The following ELMOD1 variants were observed in gnomAD, a reference collection of about 807,000 sequenced individuals.
ELMOD1 encodes ELMO domain-containing protein 1.
Under a neutral mutation model 46.7 loss-of-function variants are expected in ELMOD1, and 21 were observed. That is an observed-to-expected ratio of 0.45 (90% CI 0.32 to 0.65). The LOEUF (loss-of-function observed/expected upper bound fraction) is 0.65. Among genes scored for constraint, ELMOD1 ranks in the 30% least tolerant of loss-of-function variants. The pLI, the probability that ELMOD1 is intolerant of heterozygous loss-of-function variation, is 0.04. For missense variants in ELMOD1, 348 were observed against 407.8 expected (o/e 0.85, Z 1.26); for synonymous variants, 122 against 138.2 (o/e 0.88, Z 0.82).
chr11:107,647,449 C>CTTTTT lies in ELMOD1; in HGVS notation c.421-12_421-8dup. The CTTTTT allele has an allele frequency of 8.4e-7, 1 of 1,189,792 alleles. No homozygotes were observed. Among genetic ancestry groups the CTTTTT allele is most frequent in the Non-Finnish European group, 1.2e-6 (1 of 859,856 alleles). 73.7% of individuals were successfully genotyped at this position (1,189,792 alleles called of 1,614,324 possible). The stretch of plus-strand genomic sequence containing the variant: ...GAAAGGGTGTATCAACAGAGTAATC[C>CTTTTT]TTTTTTTTTTTCCTACAGTTATGGA... On this transcript the variant is annotated intron_variant, in intron 6 of 11. Transcript: ENST00000265840.
chr11:107,649,996 G>T (rs1866497329), intron 7 of ELMOD1, among the ~76,000 whole-genome samples: 1 of 152,006 alleles, frequency 6.6e-6, no homozygotes, highest in African/African-American at 2.4e-5. Flanking sequence ...GCCTTCTGAA[G>T]GCCTCCAAAC....
At chr11:107,629,625 G>C (rs1233104137) in intron 2 of ELMOD1, among the ~76,000 whole-genome samples, 1 of 152,310 alleles carries the variant, frequency 6.6e-6, no homozygotes, top group East Asian at 1.9e-4. Context: ...TGACAATATA[G>C]TTCATCATTT....
intron 6 of ELMOD1, among the ~76,000 whole-genome samples, chr11:107,637,615 C>T (rs936763269): frequency 2.6e-5 from 4 of 152,046 alleles, no homozygotes; most frequent in Non-Finnish European, 4.4e-5. Flanking sequence ...ATTGCTTGAA[C>T]CCAGGAGGCG....
chr11:107,608,657 T>A (rs1865727596), intron 1 of ELMOD1, among the ~76,000 whole-genome samples: 1 of 152,214 alleles, frequency 6.6e-6, no homozygotes, highest in African/African-American at 2.4e-5. Flanking sequence ...ATAAAACTCA[T>A]GTATTTTCGC....
chr11:107,631,454 A>C lies in ELMOD1; in HGVS notation c.193-126A>C, dbSNP rs75143125. 1,657 of 276,656 alleles carry C rather than the reference A, an allele frequency of 6.0e-3. 19 individuals carry two copies. The highest frequency in any genetic ancestry group is 0.032 in the African/African-American group (1,429 of 44,066). 17.1% of individuals were successfully genotyped at this position (276,656 alleles called of 1,614,324 possible). ...ATTAGAATTCAAGTACGCTAAATCA[A>C]TTGTTGCTTTTAACTTAAGTCTTCA... On this transcript the variant is annotated intron_variant, in intron 4 of 11. Transcript: ENST00000265840.
At position 107,650,808 on chromosome 11, in the gene ELMOD1, T is replaced by C. The variant is rs1334782180; in HGVS notation, c.624-77T>C. 5 of 967,762 alleles carry C rather than the reference T, an allele frequency of 5.2e-6. No homozygotes were observed. In the Admixed American group the frequency reaches 2.0e-4, roughly 39 times the overall value. The allele number at this position is 967,762 out of a possible 1,614,324, so 59.9% of individuals were successfully genotyped here. ...ATTACTAAGGCTTTTTTTTTCTTTC[T>C]TTCTTGTAAAATTCTAGATTCTAAA... On this transcript the variant is annotated intron_variant, in intron 8 of 11. Coordinates refer to ENST00000265840, the MANE Select transcript of ELMOD1 (RefSeq NM_018712.4).
At chr11:107,612,038 A>C (rs1197530384) in intron 1 of ELMOD1, among the ~76,000 whole-genome samples, 1 of 152,188 alleles carries the variant, frequency 6.6e-6, no homozygotes, top group Admixed American at 6.5e-5. Flanking sequence ...AAAGAAAATA[A>C]ATCATTCGAC....
rs1033691732 is a variant in ELMOD1 at position 107,591,416 on chromosome 11, G to A, written c.-86+7G>A. 6.5e-6 allele frequency: 1 copy of A among 153,228 alleles called. No individual in the cohort carries two copies. Among genetic ancestry groups the A allele is most frequent in the African/African-American group, 2.4e-5 (1 of 41,464 alleles). The allele number at this position is 153,228 out of a possible 1,614,324, so 9.5% of individuals were successfully genotyped here. ...TACCGCCGCCAGAGTCCAGGTGATT[G>A]GCGACCCCAGAGGAGCCTAGGGAGT... is the stretch of plus-strand genomic sequence containing the variant. On this transcript the variant is annotated splice_region_variant and intron_variant, in intron 1 of 11. Transcript: ENST00000265840.
intron 1 of ELMOD1, among the ~76,000 whole-genome samples, chr11:107,599,934 T>C (rs562555603): frequency 6.6e-6 from 1 of 152,230 alleles, no homozygotes; most frequent in South Asian, 2.1e-4. Flanking sequence ...GAGCAACAGA[T>C]TTACCTCTAA....
intron 11 of ELMOD1, among the ~76,000 whole-genome samples, chr11:107,661,507 G>A (rs553366904): frequency 1.3e-4 from 20 of 152,248 alleles, no homozygotes; most frequent in African/African-American, 4.6e-4. Flanking sequence ...ATGCATTATC[G>A]ATTATTTTAA....
chr11:107,600,280 T>C (rs1434349897), intron 1 of ELMOD1: 6 of 131,464 alleles, frequency 4.6e-5, no homozygotes, highest in African/African-American at 1.8e-4. Flanking sequence ...AAAAAATTTA[T>C]AATTTGTGGC....
chr11:107,661,932 G>A (rs1866746173), intron 11 of ELMOD1, among the ~76,000 whole-genome samples: 1 of 152,164 alleles, frequency 6.6e-6, no homozygotes, highest in Non-Finnish European at 1.5e-5. Flanking sequence ...TTCTGTTGAT[G>A]TGCACATTTT....
chr11:107,644,954 C>T (rs1378678338), intron 6 of ELMOD1, among the ~76,000 whole-genome samples: 1 of 149,482 alleles, frequency 6.7e-6, no homozygotes, highest in Non-Finnish European at 1.5e-5. Flanking sequence ...GATAGACTCT[C>T]ACTCTGTCGC....
At chr11:107,633,599 A>T (rs1301973108) in intron 5 of ELMOD1, among the ~76,000 whole-genome samples, 1 of 151,914 alleles carries the variant, frequency 6.6e-6, no homozygotes, top group East Asian at 1.9e-4. Flanking sequence ...CATCTGGCTA[A>T]TTTTTGTATT....
At chr11:107,647,194 GT>G (rs2135706267) in intron 6 of ELMOD1, among the ~76,000 whole-genome samples, 1 of 152,158 alleles carries the variant, frequency 6.6e-6, no homozygotes, top group South Asian at 2.1e-4. Context: ...TTGTTTTTTG[GT>G]TTTGTTTTTA....
At chr11:107,634,868 T>C (rs1197553664) in intron 5 of ELMOD1, among the ~76,000 whole-genome samples, 2 of 152,248 alleles carry the variant, frequency 1.3e-5, no homozygotes, top group Non-Finnish European at 1.5e-5. Context: ...GTCATGGCAC[T>C]GGAAAGGTGG....
chr11:107,665,261 T>TTTGAGATC lies in ELMOD1; in HGVS notation c.*65_*66insTGAGATCT. ...CCTCATTGTCTTGTTAGATCTCTGC[T>TTTGAGATC]TAGGTCGCAGCTCACGCATTGAATG... On this transcript the variant is annotated 3_prime_UTR_variant, in exon 12 of 12. Transcript: ENST00000265840. The TTTGAGATC allele has an allele frequency of 2.6e-6, 4 of 1,537,402 alleles. No homozygotes were observed. In the South Asian group the frequency reaches 4.8e-5, roughly 19 times the overall value.
chr11:107,655,808 C>T (rs1866619721), intron 10 of ELMOD1, 125 bp from the exon 11 acceptor site: 1 of 1,039,804 alleles, frequency 9.6e-7, no homozygotes, highest in African/African-American at 1.6e-5. Flanking sequence ...AAAGTGACTT[C>T]CTGACATTAC....
intron 1 of ELMOD1, among the ~76,000 whole-genome samples, chr11:107,604,351 G>A (rs1865652744): frequency 6.6e-6 from 1 of 152,136 alleles, no homozygotes; most frequent in Non-Finnish European, 1.5e-5. Flanking sequence ...AACATATTCT[G>A]GAATTACTTA....
Sources: allele counts gnomAD v4.1 joint callset (sites outside exome capture counted in the v4.1 genomes callset), GRCh38; gene constraint gnomAD v4.1.1; transcripts MANE v1.5; gene names NCBI Gene and HGNC (gene_info 2026-07-23, HGNC 2026-07-21).